The following SOX6 variants were observed in gnomAD, a reference collection of about 807,000 sequenced individuals.
SOX6 encodes transcription factor SOX-6.
Under a neutral mutation model 97.8 loss-of-function variants are expected in SOX6, and 11 were observed. The ratio of observed to expected loss-of-function variants is 0.11; its 90% CI spans 0.07 to 0.19. SOX6 has a LOEUF of 0.19. Among genes scored for constraint, SOX6 ranks in the 10% least tolerant of loss-of-function variants. The pLI is 1.00. For missense variants in SOX6, 810 were observed against 1,039.5 expected (o/e 0.78, Z 3.04); for synonymous variants, 360 against 371.4 (o/e 0.97, Z 0.35).
At chr11:16,042,104 T>G (rs1855685378) in intron 12 of SOX6, among the ~76,000 whole-genome samples, 1 of 152,158 alleles carries the variant, frequency 6.6e-6, no homozygotes, top group Non-Finnish European at 1.5e-5. Flanking sequence ...TATCTCCATT[T>G]TATAGAAATG....
chr11:16,606,672 G>A (rs556407795), intron 4 of SOX6, among the ~76,000 whole-genome samples: 6 of 152,316 alleles, frequency 3.9e-5, no homozygotes, highest in African/African-American at 1.4e-4. Flanking sequence ...GGCCGAGAGG[G>A]CAGACAGATT....
At chr11:16,543,096 T>C (rs1861432671) in intron 4 of SOX6, among the ~76,000 whole-genome samples, 1 of 152,074 alleles carries the variant, frequency 6.6e-6, no homozygotes, top group South Asian at 2.1e-4. Flanking sequence ...GTAACATTAA[T>C]TGAGCACCTA....
At position 16,489,760 on chromosome 11, in the gene SOX6, T is replaced by TTTAACTTTC. The variant is rs1180606529; in HGVS notation, n.610-13381_610-13373dup. ...AGTAACAATGGCAAAGTATGAGTTT[T>TTTAACTTTC]TTAACTTTCTTAACTTTTTGTTCCA... On this transcript the variant is annotated intron_variant and non_coding_transcript_variant, in intron 4 of 5. Coordinates refer to the SOX6 transcript ENST00000524520. Among the ~76,000 whole-genome samples the TTTAACTTTC allele has an allele frequency of 3.3e-5, 5 of 152,198 alleles. No homozygotes were observed. The East Asian group carries it at 9.7e-4, about 29-fold the overall frequency.
chr11:16,259,834 G>A (rs753786360), intron 3 of SOX6, among the ~76,000 whole-genome samples: 3 of 151,816 alleles, frequency 2.0e-5, no homozygotes, highest in Non-Finnish European at 4.4e-5. Context: ...ATGGATGGTG[G>A]TTACACACAT....
intron 4 of SOX6, among the ~76,000 whole-genome samples, chr11:16,497,543 C>T (rs1053127294): frequency 4.0e-5 from 6 of 151,760 alleles, no homozygotes; most frequent in African/African-American, 1.2e-4. Flanking sequence ...AGTTCAAACC[C>T]ATGGCAAAGA....
intron 8 of SOX6, among the ~76,000 whole-genome samples, chr11:16,096,590 T>C (rs1351423207): frequency 6.6e-6 from 1 of 151,838 alleles, no homozygotes; most frequent in Non-Finnish European, 1.5e-5. Context: ...AAATTCTTTA[T>C]TTGCAGATCC....
At chr11:16,666,041 C>A (rs946158781) in intron 3 of SOX6, among the ~76,000 whole-genome samples, 1 of 152,164 alleles carries the variant, frequency 6.6e-6, no homozygotes, top group Non-Finnish European at 1.5e-5. Context: ...GAAATCATAG[C>A]ACCCAAGTCC....
chr11:16,514,086 C>T (rs1235060877), intron 4 of SOX6, among the ~76,000 whole-genome samples: 1 of 151,826 alleles, frequency 6.6e-6, no homozygotes, highest in Admixed American at 6.6e-5. Flanking sequence ...CATGATAGCA[C>T]ATTTTTGTAG....
At chr11:16,081,768 C>T (rs1223343196) in intron 9 of SOX6, among the ~76,000 whole-genome samples, 2 of 152,150 alleles carry the variant, frequency 1.3e-5, no homozygotes, top group Non-Finnish European at 2.9e-5. Flanking sequence ...TCTAGTTAAT[C>T]AAAGATTTCC....
At chr11:16,306,627 C>CTTTTTTTTTTTTTTT (rs529819628) in intron 3 of SOX6, among the ~76,000 whole-genome samples, 1 of 106,452 alleles carries the variant, frequency 9.4e-6, no homozygotes. Flanking sequence ...TTTTTTTTTT[C>CTTTTTTTTTTTTTTT]TTTTTTTTTT....
intron 1 of SOX6, among the ~76,000 whole-genome samples, chr11:16,426,360 G>C (rs2133070484): frequency 7.6e-6 from 1 of 132,282 alleles, no homozygotes; most frequent in South Asian, 2.6e-4. Flanking sequence ...GCAATCCTAA[G>C]CAAAAAGAAT....
At chr11:16,263,150 G>C (rs1426144711) in intron 3 of SOX6, among the ~76,000 whole-genome samples, 1 of 151,792 alleles carries the variant, frequency 6.6e-6, no homozygotes, top group Admixed American at 6.6e-5. Context: ...GATAACAACA[G>C]TAATAAAAAT....
At chr11:15,995,039 T>C (rs1854181297) in intron 13 of SOX6, among the ~76,000 whole-genome samples, 1 of 152,200 alleles carries the variant, frequency 6.6e-6, no homozygotes. Flanking sequence ...AAAGTCAGTT[T>C]AATTGGCTTA....
chr11:16,257,782 G>C (rs186783428), intron 3 of SOX6, among the ~76,000 whole-genome samples: 2 of 151,570 alleles, frequency 1.3e-5, no homozygotes, highest in Admixed American at 1.3e-4. Context: ...CCACAGACTG[G>C]GAAAAAAATA....
At chr11:16,501,914 G>A (rs565591661) in intron 4 of SOX6, among the ~76,000 whole-genome samples, 1 of 152,292 alleles carries the variant, frequency 6.6e-6, no homozygotes, top group Non-Finnish European at 1.5e-5. Context: ...CGATTCCTCA[G>A]GGATCTAGAA....
At chr11:16,116,744 G>C (rs545914363) in intron 6 of SOX6, among the ~76,000 whole-genome samples, 1 of 152,152 alleles carries the variant, frequency 6.6e-6, no homozygotes, top group African/African-American at 2.4e-5. Context: ...TTAGGAACTG[G>C]ACCACATAGC....
intron 4 of SOX6, among the ~76,000 whole-genome samples, chr11:16,485,083 G>A (rs994068602): frequency 6.6e-6 from 1 of 152,162 alleles, no homozygotes; most frequent in African/African-American, 2.4e-5. Flanking sequence ...GGTCAAGAGA[G>A]GAGGAATTAT....
intron 6 of SOX6, among the ~76,000 whole-genome samples, chr11:16,151,806 T>C (rs1850464117): frequency 6.6e-6 from 1 of 152,142 alleles, no homozygotes. Flanking sequence ...AAACCACCTC[T>C]AGGAAACACT....
chr11:16,161,558 A>G (rs1188791674), intron 6 of SOX6, among the ~76,000 whole-genome samples: 1 of 152,108 alleles, frequency 6.6e-6, no homozygotes, highest in Non-Finnish European at 1.5e-5. Flanking sequence ...GGGCACAAAG[A>G]GTGGGATTCT....
Sources: allele counts gnomAD v4.1 joint callset (sites outside exome capture counted in the v4.1 genomes callset), GRCh38; gene constraint gnomAD v4.1.1; transcripts MANE v1.5; gene names NCBI Gene and HGNC (gene_info 2026-07-23, HGNC 2026-07-21).